Variants in ANKRD30A observed in about 807,000 individuals in gnomAD.
ANKRD30A encodes ankyrin repeat domain 30A, also known as ankyrin repeat domain-containing protein 30A.
Under a neutral mutation model 166.3 loss-of-function variants are expected in ANKRD30A, and 170 were observed. The observed-to-expected ratio is 1.02, with a 90% CI of 0.90 to 1.16. ANKRD30A has a LOEUF of 1.16. ANKRD30A is among the 50% of genes most tolerant of loss of function. The probability of loss-of-function intolerance (pLI) is 0.00; values close to 1 mark genes in which losing one functional copy is unlikely to be tolerated. For missense variants in ANKRD30A, 1,630 were observed against 1,518.0 expected, an observed-to-expected ratio of 1.07 and a Z score of -1.23; for synonymous variants, 564 against 508.9, an observed-to-expected ratio of 1.11 and a Z score of -1.46.
At chr10:37,226,895 C>A (rs1454553444) in intron 34 of ANKRD30A, among the ~76,000 whole-genome samples, 2 of 151,864 alleles carry the variant, frequency 1.3e-5, no homozygotes, top group African/African-American at 2.4e-5. Context: ...GTTTTATTTG[C>A]ATTCCCTAAT....
At chr10:37,160,528 C>T (rs1767327) in intron 15 of ANKRD30A, among the ~76,000 whole-genome samples, 6 of 152,226 alleles carry the variant, frequency 3.9e-5, no homozygotes, top group Non-Finnish European at 5.9e-5. Flanking sequence ...GCATAAGGTT[C>T]TAAAGTGCCA....
chr10:37,213,747 T>C (rs1842467638), intron 31 of ANKRD30A, among the ~76,000 whole-genome samples: 1 of 151,692 alleles, frequency 6.6e-6, no homozygotes, highest in Admixed American at 6.6e-5. Context: ...TTTATTATTT[T>C]TGAACCAACC....
chr10:37,152,077 G>T lies in ANKRD30A; in HGVS notation c.1663G>T (p.Glu555Ter), dbSNP rs558043459. The T allele has an allele frequency of 6.2e-7, 1 of 1,609,674 alleles. No homozygotes were observed. The highest frequency in any genetic ancestry group is 1.3e-5 in the African/African-American group (1 of 74,734). The change falls in exon 12 of 36, where the codon GAA (glutamate) becomes TAA (stop). Residue 555 changes from glutamate to a stop codon, truncating the protein, a stop_gained. Coordinates refer to ENST00000361713, the MANE Select transcript of ANKRD30A (RefSeq NM_052997.3). LOFTEE classifies it high-confidence loss of function. The stretch of plus-strand genomic sequence containing the variant: ...TTTTATAGATCCGATGTTCCCACCA[G>T]AATCCAAACAAAAGGACTATGAAGA... ...TLRADPMFPP[E>*]SKQKDYEENS...
chr10:37,231,378 G>GTT, intron 34 of ANKRD30A, 83 bp from the exon 35 acceptor site: 1 of 1,193,220 alleles, frequency 8.4e-7, no homozygotes, highest in Non-Finnish European at 1.2e-6. Flanking sequence ...TTATAGAAGG[G>GTT]TTTTCTTTTT....
chr10:37,135,063 A>G (rs1476768723), intron 5 of ANKRD30A, among the ~76,000 whole-genome samples: 1 of 152,192 alleles, frequency 6.6e-6, no homozygotes. Context: ...CCTAAAAGTA[A>G]AAATCTCCCA....
chr10:37,161,008 C>A (rs991299037), intron 15 of ANKRD30A, among the ~76,000 whole-genome samples: 5 of 152,176 alleles, frequency 3.3e-5, no homozygotes, highest in African/African-American at 1.2e-4. Flanking sequence ...AATCCCAGCA[C>A]GTTGGGAGGC....
chr10:37,190,807 A>C lies in ANKRD30A; in HGVS notation c.2512+1250A>C, dbSNP rs571281087. Among the ~76,000 whole-genome samples, 3 of 151,814 alleles carry C rather than the reference A, an allele frequency of 2.0e-5. No individual in the cohort carries two copies. The South Asian group carries it at 6.3e-4, about 32-fold the overall frequency. On this transcript the variant is annotated intron_variant, in intron 25 of 35. Transcript: ENST00000361713. ...TCATTAATAATCTTTATTAATATGA[A>C]GCATCAATATATAGATATATATATA...
At chr10:37,262,732 C>G in the ANKRD30A span, among the ~76,000 whole-genome samples, 2 of 152,050 alleles carry the variant, frequency 1.3e-5, no homozygotes, top group South Asian at 4.2e-4. Context: ...TTGCTTGGCA[C>G]CTAATACACC....
At chr10:37,193,161 T>C (rs769300364) in intron 26 of ANKRD30A, 25 bp from the exon 27 acceptor site, 1 of 1,610,388 alleles carries the variant, frequency 6.2e-7, no homozygotes, top group Non-Finnish European at 8.5e-7. Context: ...TGTATATTAA[T>C]TGTTTTGTTT....
At chr10:37,193,400 T>A in intron 27 of ANKRD30A, 142 bp downstream of exon 27, 1 of 1,245,480 alleles carries the variant, frequency 8.0e-7, no homozygotes, top group Non-Finnish European at 1.1e-6. Context: ...ATGTGAGTAT[T>A]TCTGTTTGAG....
intron 19 of ANKRD30A, among the ~76,000 whole-genome samples, 196 bp downstream of exon 19, chr10:37,166,891 T>A (rs1159503749): frequency 6.6e-6 from 1 of 152,072 alleles, no homozygotes; most frequent in East Asian, 1.9e-4. Context: ...GAAGCGGAGC[T>A]GAATTACTAG....
intron 1 of ANKRD30A, among the ~76,000 whole-genome samples, chr10:37,128,445 C>T (rs1440072187): frequency 6.6e-6 from 1 of 151,636 alleles, no homozygotes; most frequent in Non-Finnish European, 1.5e-5. Flanking sequence ...TTTATCTGTG[C>T]TTATTGATTT....
Position 37,183,601 on chromosome 10 carries a change from C to T in ANKRD30A, c.2422-5866C>T, listed in dbSNP as rs1286416738. On this transcript the variant is annotated intron_variant, in intron 24 of 35. Transcript: ENST00000361713. ...ATTCTGTGTCTCATGGCACTGTGCT[C>T]TCTTTTTCCCTAGAGAGGATCTAGA... 2.4e-4 allele frequency among the ~76,000 whole-genome samples: 36 copies of T among 147,000 alleles called. 1 individual carries two copies. Among genetic ancestry groups the T allele is most frequent in the African/African-American group, 8.9e-4 (36 of 40,272 alleles).
At chr10:37,149,980 G>GCATTATC in intron 11 of ANKRD30A, 131 bp downstream of exon 11, 2 of 1,280,180 alleles carry the variant, frequency 1.6e-6, no homozygotes, top group Non-Finnish European at 2.1e-6. Flanking sequence ...GCCAATACTG[G>GCATTATC]TATTGATGTT....
chr10:37,153,478 G>A (rs1838116306), intron 12 of ANKRD30A, 94 bp from the exon 13 acceptor site: 1 of 1,563,808 alleles, frequency 6.4e-7, no homozygotes, highest in South Asian at 1.2e-5. Flanking sequence ...GGAGGAAATT[G>A]TGTTTTTAAA....
chr10:37,226,739 G>A (rs933556346), intron 34 of ANKRD30A, among the ~76,000 whole-genome samples: 4 of 151,758 alleles, frequency 2.6e-5, no homozygotes, highest in African/African-American at 9.7e-5. Flanking sequence ...TCATATGGTA[G>A]TCTATGTTTA....
At chr10:37,158,703 A>G in intron 15 of ANKRD30A, 117 bp downstream of exon 15, 1 of 1,414,080 alleles carries the variant, frequency 7.1e-7, no homozygotes, top group Non-Finnish European at 9.6e-7. Context: ...GGATATTTTG[A>G]TACAATAATG....
At chr10:37,162,523 C>G (rs561481437) in intron 15 of ANKRD30A, 126 bp from the exon 16 acceptor site, 160 of 1,258,368 alleles carry the variant, frequency 1.3e-4, no homozygotes, top group Admixed American at 3.0e-4. Flanking sequence ...AGAAAACTTT[C>G]CAAATCTAAA....
intron 34 of ANKRD30A, among the ~76,000 whole-genome samples, chr10:37,230,060 A>C (rs1034028378): frequency 6.6e-6 from 1 of 151,996 alleles, no homozygotes; most frequent in African/African-American, 2.4e-5. Context: ...AGCACTTAAG[A>C]GAGCATGATA....
Sources: allele counts gnomAD v4.1 joint callset (sites outside exome capture counted in the v4.1 genomes callset), GRCh38; gene constraint gnomAD v4.1.1; transcripts MANE v1.5; gene names NCBI Gene and HGNC (gene_info 2026-07-23, HGNC 2026-07-21).